The following RGL1 variants were observed in gnomAD, a reference collection of about 807,000 sequenced individuals.
RGL1 encodes the protein ral guanine nucleotide dissociation stimulator-like 1.
A neutral mutation model predicts 95.2 loss-of-function variants in RGL1; 24 were observed. The ratio of observed to expected loss-of-function variants is 0.25; its 90% CI spans 0.18 to 0.35. The LOEUF is 0.35. Among genes scored for constraint, RGL1 ranks in the 10% least tolerant of loss-of-function variants. RGL1 has a pLI of 1.00. For synonymous variants in RGL1, 329 were observed against 344.9 expected (o/e 0.95, Z 0.51); for missense variants, 715 against 936.3 (o/e 0.76, Z 3.08).
At chr1:183,866,414 G>C (rs1665842011) in intron 4 of RGL1, among the ~76,000 whole-genome samples, 1 of 152,228 alleles carries the variant, frequency 6.6e-6, no homozygotes, top group Non-Finnish European at 1.5e-5. Flanking sequence ...AGCAGGGTCT[G>C]AGGGCTGGAG....
intron 2 of RGL1, among the ~76,000 whole-genome samples, chr1:183,799,426 A>G (rs1315356417): frequency 6.6e-6 from 1 of 152,146 alleles, no homozygotes; most frequent in African/African-American, 2.4e-5. Context: ...TACTTTCCCA[A>G]CAATAGCATA....
At chr1:183,676,855 A>G in intron 1 of RGL1, among the ~76,000 whole-genome samples, 1 of 151,098 alleles carries the variant, frequency 6.6e-6, no homozygotes, top group East Asian at 2.0e-4. Flanking sequence ...TAATATAAGC[A>G]TATTTCAAAT....
Position 183,724,561 on chromosome 1 carries a change from A to G in RGL1, c.-32-17565A>G, listed in dbSNP as rs1261431023. ...TCACAGGCCTGTAGCAGTGGTCACC[A>G]TGAAGAGAGACTCCTCTGCTTGTGG... On this transcript the variant is annotated intron_variant, in intron 1 of 18. Coordinates refer to the RGL1 transcript ENST00000304685. This position sits in a 1 kb window ranked among gnomAD's most constrained non-coding sequence, Gnocchi z 4.1. Among the ~76,000 whole-genome samples, 1 of 152,140 alleles carries G rather than the reference A, an allele frequency of 6.6e-6. No homozygotes were observed. The highest frequency in any genetic ancestry group is 1.5e-5 in the Non-Finnish European group (1 of 68,008).
intron 2 of RGL1, among the ~76,000 whole-genome samples, chr1:183,829,041 G>A (rs1377311436): frequency 6.6e-6 from 1 of 152,150 alleles, no homozygotes. Flanking sequence ...ATCAATGCTT[G>A]TTATAATAAC....
chr1:183,855,503 C>T (rs11803096), intron 3 of RGL1, among the ~76,000 whole-genome samples: 1 of 152,220 alleles, frequency 6.6e-6, no homozygotes, highest in Non-Finnish European at 1.5e-5. Context: ...TAGATTCATG[C>T]TGGCATGCAG....
chr1:183,901,689 C>T (rs1159193433), intron 11 of RGL1, among the ~76,000 whole-genome samples: 1 of 151,920 alleles, frequency 6.6e-6, no homozygotes, highest in Non-Finnish European at 1.5e-5. Flanking sequence ...GTCCCTCTTT[C>T]TCTCTGTTCC....
At chr1:183,673,177 C>G (rs1249305768) in intron 1 of RGL1, among the ~76,000 whole-genome samples, 1 of 152,106 alleles carries the variant, frequency 6.6e-6, no homozygotes, top group African/African-American at 2.4e-5. Context: ...TTTTTAAAAC[C>G]TCACAGTCAA....
chr1:183,686,323 C>T (rs1223807712), intron 1 of RGL1, among the ~76,000 whole-genome samples: 1 of 152,142 alleles, frequency 6.6e-6, no homozygotes, highest in African/African-American at 2.4e-5. Flanking sequence ...TTTTCAGTTG[C>T]TGCATTTATT....
intron 1 of RGL1, among the ~76,000 whole-genome samples, chr1:183,648,974 C>T (rs1056765312): frequency 1.3e-5 from 2 of 152,166 alleles, no homozygotes; most frequent in African/African-American, 4.8e-5. Flanking sequence ...TATTGAGACT[C>T]CTAGAGCATG....
In RGL1 at chr1:183,663,296, T is replaced by C. The variant is rs541363772; in HGVS notation, c.-33+26795T>C. Among the ~76,000 whole-genome samples the C allele has an allele frequency of 2.0e-5, 3 of 150,674 alleles. No individual in the cohort carries two copies. In the South Asian group the frequency reaches 6.3e-4, roughly 32 times the overall value. On this transcript the variant is annotated intron_variant, in intron 1 of 18. Coordinates refer to the RGL1 transcript ENST00000304685. ...AGGCAACCTACAAAATGGGAGAAAA[T>C]TTTCGCAACCTACTCATCTGACAAA... is the stretch of plus-strand genomic sequence containing the variant.
At chr1:183,639,739 T>C (rs985225697) in intron 1 of RGL1, among the ~76,000 whole-genome samples, 3 of 150,910 alleles carry the variant, frequency 2.0e-5, no homozygotes, top group African/African-American at 7.3e-5. Context: ...TCTAAATACG[T>C]TGAATTTATT....
At chr1:183,658,215 TG>T (rs1387227618) in intron 1 of RGL1, among the ~76,000 whole-genome samples, 1 of 152,202 alleles carries the variant, frequency 6.6e-6, no homozygotes, top group African/African-American at 2.4e-5. Flanking sequence ...CGCAGGACAG[TG>T]GGTGCAGTGC....
intron 2 of RGL1, among the ~76,000 whole-genome samples, chr1:183,791,080 C>T (rs1404506533): frequency 6.6e-6 from 1 of 152,152 alleles, no homozygotes; most frequent in African/African-American, 2.4e-5. Context: ...GTAACTACTC[C>T]TTCCCTTCCC....
chr1:183,636,189 G>C, exon 1 of RGL1: 2 of 399,626 alleles, frequency 5.0e-6, no homozygotes, highest in Non-Finnish European at 8.8e-6. Context: ...GGGGTCCTGC[G>C]TAAGGTCCGG....
At chr1:183,693,288 A>G (rs1654067974) in intron 1 of RGL1, among the ~76,000 whole-genome samples, 1 of 152,146 alleles carries the variant, frequency 6.6e-6, no homozygotes, top group African/African-American at 2.4e-5. Context: ...ACACAACAGA[A>G]CAAAGTAAAT....
chr1:183,698,072 C>A (rs1446932159), intron 1 of RGL1, among the ~76,000 whole-genome samples: 1 of 152,226 alleles, frequency 6.6e-6, no homozygotes, highest in Non-Finnish European at 1.5e-5. Context: ...TGTGAGCCAG[C>A]TCACACCAGT....
chr1:183,829,582 A>G (rs1317179705), intron 2 of RGL1, among the ~76,000 whole-genome samples: 1 of 152,076 alleles, frequency 6.6e-6, no homozygotes, highest in East Asian at 1.9e-4. Flanking sequence ...TCATCATGAT[A>G]TACTCATATT....
intron 17 of RGL1, among the ~76,000 whole-genome samples, chr1:183,923,609 G>A (rs1245966944): frequency 6.6e-6 from 1 of 152,094 alleles, no homozygotes; most frequent in African/African-American, 2.4e-5. Flanking sequence ...GCAAGCTGCT[G>A]GACCCCCGGG....
intron 1 of RGL1, among the ~76,000 whole-genome samples, chr1:183,651,978 C>T (rs1011209663): frequency 1.3e-5 from 2 of 152,120 alleles, no homozygotes; most frequent in African/African-American, 2.4e-5. Context: ...TTGATGTGGT[C>T]GACTTATGGG....
Sources: allele counts gnomAD v4.1 joint callset (sites outside exome capture counted in the v4.1 genomes callset), GRCh38; gene constraint gnomAD v4.1.1; non-coding constraint Gnocchi (gnomAD v3.1); transcripts MANE v1.5; gene names NCBI Gene and HGNC (gene_info 2026-07-23, HGNC 2026-07-21).